Variants in CDKL5 observed in about 807,000 individuals in gnomAD.
The protein encoded by CDKL5 is cyclin-dependent kinase-like 5.
A neutral mutation model predicts 61.7 loss-of-function variants in CDKL5; 8 were observed. The ratio of observed to expected loss-of-function variants is 0.13; its 90% CI spans 0.08 to 0.23. CDKL5 has a LOEUF of 0.23. CDKL5 is among the 10% of genes least tolerant of loss of function. CDKL5 has a pLI of 1.00. For missense variants in CDKL5, 440 were observed against 734.5 expected, an observed-to-expected ratio of 0.60 and a Z score of 4.63; for synonymous variants, 275 against 272.3, an observed-to-expected ratio of 1.01 and a Z score of -0.10.
chrX:18,642,022 G>A (rs1015774340), downstream of CDKL5: 4 of 1,209,788 alleles, frequency 3.3e-6, no homozygotes, highest in South Asian at 1.8e-5. Context: ...ACTTGCTGAC[G>A]CACTCCAGCA....
At chrX:18,453,389 C>G (rs1489195553) in intron 1 of CDKL5, among the ~76,000 whole-genome samples, 1 of 111,492 alleles carries the variant, frequency 9.0e-6, no homozygotes, top group Non-Finnish European at 1.9e-5. Flanking sequence ...ATGTTTATCT[C>G]TTAGTGAGAC....
At chrX:18,641,830 T>C, downstream of CDKL5, 1 of 463,422 alleles carries the variant, frequency 2.2e-6, no homozygotes, top group Non-Finnish European at 3.6e-6. Flanking sequence ...TTCATTTTTA[T>C]TTCATTGAAA....
intron 15 of CDKL5, among the ~76,000 whole-genome samples, chrX:18,618,713 A>G (rs1263009122): frequency 8.9e-6 from 1 of 112,201 alleles, no homozygotes; most frequent in Non-Finnish European, 1.9e-5. Context: ...TCACACCTGT[A>G]ATTCCAGCAC....
At chrX:18,568,767 C>T (rs1013515751) in intron 4 of CDKL5, among the ~76,000 whole-genome samples, 2 of 110,489 alleles carry the variant, frequency 1.8e-5, no homozygotes, top group Non-Finnish European at 3.8e-5. Context: ...GGTCATGGCT[C>T]AGTGCAGCCT....
At chrX:18,615,406 T>G (rs1159247721) in intron 15 of CDKL5, among the ~76,000 whole-genome samples, 1 of 111,989 alleles carries the variant, frequency 8.9e-6, no homozygotes, top group Non-Finnish European at 1.9e-5. Flanking sequence ...GGTAATATAG[T>G]GAATTGCTAT....
At chrX:18,572,740 C>T (rs1394172114) in intron 4 of CDKL5, among the ~76,000 whole-genome samples, 1 of 111,972 alleles carries the variant, frequency 8.9e-6, no homozygotes, top group Non-Finnish European at 1.9e-5. Context: ...CTTATGGCCA[C>T]AGGTGAAGCA....
At chrX:18,446,454 A>G (rs1373027625) in intron 1 of CDKL5, among the ~76,000 whole-genome samples, 2 of 112,075 alleles carry the variant, frequency 1.8e-5, no homozygotes, top group South Asian at 3.7e-4. Context: ...TCTTTTGGAC[A>G]TTGATTGTAT....
At chrX:18,610,394 C>CT (rs1166741511) in intron 14 of CDKL5, among the ~76,000 whole-genome samples, 5 of 112,505 alleles carry the variant, frequency 4.4e-5, no homozygotes, top group African/African-American at 1.6e-4. Flanking sequence ...TGGACTGAAA[C>CT]ATTTTCTTCT....
rs7879570 is a variant in CDKL5, at chrX:18,649,297, G to A, written c.2798-1113G>A. The stretch of plus-strand genomic sequence containing the variant: ...GTCGCACAGGCTGGAGTGCTGTGGC[G>A]CAGTCATAGCTCTCTGCAACTCTAA... On this transcript the variant is annotated intron_variant, in intron 20 of 21. Coordinates refer to the CDKL5 transcript ENST00000379989. 5.5e-3 allele frequency among the ~76,000 whole-genome samples: 616 copies of A among 111,262 alleles called. 6 individuals carry two copies. Among genetic ancestry groups the A allele is most frequent in the African/African-American group, 0.019 (567 of 30,631 alleles).
At chrX:18,509,396 T>C (rs1922742863) in intron 2 of CDKL5, among the ~76,000 whole-genome samples, 1 of 110,984 alleles carries the variant, frequency 9.0e-6, no homozygotes, top group South Asian at 3.8e-4. Flanking sequence ...ATGCTAACTG[T>C]GATAATAGGA....
rs1927311229 is a variant in CDKL5, at chrX:18,634,037, A to G, written c.*5280A>G. The G allele has an allele frequency of 1.3e-6, 1 of 752,307 alleles. No individual in the cohort carries two copies. Among genetic ancestry groups the G allele is most frequent in the Admixed American group, 8.9e-5 (1 of 11,283 alleles). 62.0% of individuals were successfully genotyped at this position (752,307 alleles called of 1,213,427 possible). On this transcript the variant is annotated 3_prime_UTR_variant, in exon 18 of 18. Coordinates refer to ENST00000623535, the MANE Select transcript of CDKL5 (RefSeq NM_001323289.2). ...AAATTGCGGCAGTGAAACTAGTTTC[A>G]CTTCTAAAGCCCTTCATTTCCCACA...
intron 1 of CDKL5, among the ~76,000 whole-genome samples, chrX:18,505,206 C>T (rs922540208): frequency 1.8e-5 from 2 of 111,519 alleles, no homozygotes; most frequent in Non-Finnish European, 3.8e-5. Flanking sequence ...ATCATTCTTT[C>T]TGTCTTTTTT....
chrX:18,629,456 A>T lies in CDKL5; in HGVS notation c.*699A>T, dbSNP rs185073444. ...ATCAGGAGTATTTTATTCTATATAT[A>T]ATATATATATATGGTAAATATCTGT... On this transcript the variant is annotated 3_prime_UTR_variant, in exon 18 of 18. Transcript: ENST00000623535. 1.9e-6 allele frequency: 1 copy of T among 527,411 alleles called. No homozygotes were observed. Among genetic ancestry groups the T allele is most frequent in the Non-Finnish European group, 2.3e-6 (1 of 433,646 alleles). The allele number at this position is 527,411 out of a possible 1,213,427, so 43.5% of individuals were successfully genotyped here.
At chrX:18,509,246 C>CACACACACACA (rs1555940191) in intron 2 of CDKL5, among the ~76,000 whole-genome samples, 35 of 97,219 alleles carry the variant, frequency 3.6e-4, no homozygotes, top group South Asian at 4.7e-4. Context: ...CACACACACA[C>CACACACACACA]CCCTGTCAAG....
At chrX:18,520,175 C>T (rs1250657051) in intron 3 of CDKL5, among the ~76,000 whole-genome samples, 2 of 112,084 alleles carry the variant, frequency 1.8e-5, no homozygotes, top group African/African-American at 6.5e-5. Flanking sequence ...TGTTGTGCAA[C>T]CACCACCTCT....
intron 5 of CDKL5, among the ~76,000 whole-genome samples, chrX:18,578,560 C>T (rs1925373037): frequency 8.9e-6 from 1 of 111,875 alleles, no homozygotes; most frequent in Non-Finnish European, 1.9e-5. Context: ...CATGACTGAG[C>T]AATATAAAAA....
chrX:18,494,323 C>T (rs748608425), intron 1 of CDKL5, among the ~76,000 whole-genome samples: 2 of 112,361 alleles, frequency 1.8e-5, no homozygotes, highest in Non-Finnish European at 3.8e-5. Context: ...TCTTGGCTCA[C>T]TGCAACCTCC....
chrX:18,534,890 T>G (rs1237550205), intron 3 of CDKL5, among the ~76,000 whole-genome samples: 2 of 112,365 alleles, frequency 1.8e-5, no homozygotes, highest in African/African-American at 6.5e-5. Context: ...TGTGAGCAAT[T>G]TTCTTTCATT....
intron 1 of CDKL5, among the ~76,000 whole-genome samples, chrX:18,493,733 G>A (rs976564326): frequency 4.5e-5 from 5 of 111,457 alleles, no homozygotes; most frequent in African/African-American, 1.6e-4. Context: ...GCAAAATCTA[G>A]GTGGTCCCCA....
Sources: gnomAD v4.1 joint callset for allele counts (sites outside exome capture counted in the v4.1 genomes callset) on GRCh38, gnomAD v4.1.1 for gene constraint, MANE v1.5 for transcripts, NCBI Gene and HGNC (gene_info 2026-07-23, HGNC 2026-07-21) for gene names.